The following PACRG variants were observed in gnomAD, a reference collection of about 807,000 sequenced individuals.
PACRG encodes the protein parkin coregulated.
A neutral mutation model predicts 29.7 loss-of-function variants in PACRG; 29 were observed. The observed-to-expected ratio is 0.98, with a 90% CI of 0.73 to 1.33. The LOEUF (loss-of-function observed/expected upper bound fraction) is 1.33. Among genes scored for constraint, PACRG ranks in the 40% most tolerant of loss-of-function variants. The pLI is 0.00. For missense variants in PACRG, 279 were observed against 316.2 expected (o/e 0.88, Z 0.89); for synonymous variants, 116 against 118.7 (o/e 0.98, Z 0.15).
chr6:163,073,073 G>C (rs1812223267), intron 3 of PACRG, among the ~76,000 whole-genome samples: 1 of 152,080 alleles, frequency 6.6e-6, no homozygotes. Flanking sequence ...AAATACCTAT[G>C]ACATTCTTCA....
Position 162,728,015 on chromosome 6 carries a change from C to T in PACRG, c.-221C>T. ...GCTTACCTTTGGAAGCTTGTTGCAGCTCTAGCCAAGGTCCTGCCCTCTTCC... is the reference window on the plus strand; with the variant it reads ...GCTTACCTTTGGAAGCTTGTTGCAGTTCTAGCCAAGGTCCTGCCCTCTTCC... On this transcript the variant is annotated 5_prime_UTR_variant, in exon 1 of 5. Coordinates refer to ENST00000366888, the MANE Select transcript of PACRG (RefSeq NM_001080379.2). 1.5e-6 allele frequency: 1 copy of T among 653,198 alleles called. No individual in the cohort carries two copies. Among genetic ancestry groups the T allele is most frequent in the Non-Finnish European group, 2.7e-6 (1 of 373,730 alleles). The allele number at this position is 653,198 out of a possible 1,614,324, so 40.5% of individuals were successfully genotyped here. A position where few individuals can be genotyped will look rare whatever the true frequency, so the allele number is the denominator to read the frequency against.
Position 162,853,331 on chromosome 6 carries a change from T to C in PACRG, c.291+39050T>C, listed in dbSNP as rs1265486837. On this transcript the variant is annotated intron_variant, in intron 2 of 4. Coordinates refer to ENST00000366888, the MANE Select transcript of PACRG (RefSeq NM_001080379.2). This position sits in a 1 kb window ranked among gnomAD's most constrained non-coding sequence, Gnocchi z 4.7. ...TCTCCTTGGAGATCAGGCAGAAAAT[T>C]CTGTCTTTTGCTTTTCTTTGCAATA... Among the ~76,000 whole-genome samples, 3 of 152,158 alleles carry C rather than the reference T, an allele frequency of 2.0e-5. No homozygotes were observed. The highest frequency in any genetic ancestry group is 4.4e-5 in the Non-Finnish European group (3 of 68,028).
chr6:162,989,985 G>A (rs369563157), intron 2 of PACRG, among the ~76,000 whole-genome samples: 5 of 150,574 alleles, frequency 3.3e-5, no homozygotes, highest in Non-Finnish European at 7.4e-5. Context: ...GAGAATATGC[G>A]GTGTTTGGTT....
At chr6:163,000,106 G>A (rs1206544703) in intron 2 of PACRG, among the ~76,000 whole-genome samples, 1 of 152,068 alleles carries the variant, frequency 6.6e-6, no homozygotes, top group Non-Finnish European at 1.5e-5. Context: ...TCCTTGTCCT[G>A]GGTTACACAT....
chr6:163,289,457 T>C (rs1784508111), intron 4 of PACRG, among the ~76,000 whole-genome samples: 1 of 152,224 alleles, frequency 6.6e-6, no homozygotes, highest in Non-Finnish European at 1.5e-5. Flanking sequence ...TTCTTTTTCA[T>C]TGACCTCCTC....
intron 4 of PACRG, among the ~76,000 whole-genome samples, chr6:163,144,343 TACATACACACACAC>T (rs1777704195): frequency 7.3e-6 from 1 of 137,232 alleles, no homozygotes; most frequent in South Asian, 2.2e-4. Context: ...TACACACACA[TACATACACACACAC>T]ACACACACAC....
chr6:163,230,446 A>C (rs147863387), intron 4 of PACRG, among the ~76,000 whole-genome samples: 21 of 152,300 alleles, frequency 1.4e-4, no homozygotes, highest in African/African-American at 5.1e-4. Context: ...TCAGAATTAG[A>C]CTTCCCTTTC....
At chr6:162,886,414 T>G (rs1351609174) in intron 2 of PACRG, among the ~76,000 whole-genome samples, 1 of 152,224 alleles carries the variant, frequency 6.6e-6, no homozygotes, top group Non-Finnish European at 1.5e-5. Flanking sequence ...TTCAAAAACC[T>G]GTTTCATTCT....
At chr6:163,179,394 T>TA (rs5881511) in intron 4 of PACRG, 2,347 of 215,912 alleles carry the variant, frequency 0.011, no homozygotes, top group South Asian at 0.026. Flanking sequence ...TTCTTTAAAT[T>TA]AAAAAAAAAA....
At chr6:162,947,342 A>ATAT (rs1388762226) in intron 2 of PACRG, among the ~76,000 whole-genome samples, 956 of 13,380 alleles carry the variant, frequency 0.071, 132 homozygotes, top group Middle Eastern at 0.25. Context: ...TCATATATAT[A>ATAT]ATGATTACAT....
chr6:162,800,124 G>A lies in PACRG; in HGVS notation c.157-14023G>A, dbSNP rs369245704. Among the ~76,000 whole-genome samples, 55 of 152,192 alleles carry A rather than the reference G, an allele frequency of 3.6e-4. No individual in the cohort carries two copies. In the East Asian group the frequency reaches 6.2e-3, roughly 17 times the overall value. The stretch of plus-strand genomic sequence containing the variant: ...TAAATTGAAGTCTCTGATGACTCTC[G>A]GAGACAAGTTGAAGGCAAGAACTGC... On this transcript the variant is annotated intron_variant, in intron 1 of 4. Coordinates refer to ENST00000366888, the MANE Select transcript of PACRG (RefSeq NM_001080379.2).
chr6:162,771,238 T>C (rs1022461703), intron 1 of PACRG, among the ~76,000 whole-genome samples: 2 of 152,124 alleles, frequency 1.3e-5, no homozygotes, highest in African/African-American at 4.8e-5. Flanking sequence ...CTTTTCAGAG[T>C]GCTCCAAGTA....
At chr6:162,950,173 C>T (rs1284176305) in intron 2 of PACRG, among the ~76,000 whole-genome samples, 1 of 151,866 alleles carries the variant, frequency 6.6e-6, no homozygotes, top group Non-Finnish European at 1.5e-5. Context: ...TATGTATTAA[C>T]TTTTACTGAT....
intron 1 of PACRG, among the ~76,000 whole-genome samples, chr6:162,804,724 T>C (rs1786171388): frequency 6.6e-6 from 1 of 152,188 alleles, no homozygotes; most frequent in Non-Finnish European, 1.5e-5. Context: ...GGGAAGTTGA[T>C]GGCTCAAATC....
intron 4 of PACRG, among the ~76,000 whole-genome samples, chr6:163,211,690 G>A (rs761925629): frequency 6.6e-5 from 10 of 152,034 alleles, no homozygotes; most frequent in East Asian, 1.9e-4. Context: ...TGACTTCCTC[G>A]TTCCTCCCCC....
intron 2 of PACRG, among the ~76,000 whole-genome samples, chr6:162,829,283 C>T (rs1408675279): frequency 1.3e-5 from 2 of 152,216 alleles, no homozygotes; most frequent in Non-Finnish European, 2.9e-5. Context: ...AGGGAAGACA[C>T]ATTCAGATGG....
At chr6:162,740,756 C>G (rs1051462372) in intron 1 of PACRG, among the ~76,000 whole-genome samples, 3 of 151,912 alleles carry the variant, frequency 2.0e-5, no homozygotes, top group East Asian at 3.9e-4. Flanking sequence ...CGCGCCACCA[C>G]GCCCAGCTAA....
chr6:163,295,782 G>A (rs1418282924), intron 4 of PACRG, among the ~76,000 whole-genome samples: 1 of 152,154 alleles, frequency 6.6e-6, no homozygotes, highest in Non-Finnish European at 1.5e-5. Context: ...CGCTAACATA[G>A]ATCCCTGGGA....
intron 1 of PACRG, among the ~76,000 whole-genome samples, chr6:162,799,829 C>T (rs1421090400): frequency 6.6e-6 from 1 of 152,066 alleles, no homozygotes; most frequent in Admixed American, 6.6e-5. Context: ...ACAAAAATAA[C>T]ATTTTTTACT....
Sources: gnomAD v4.1 joint callset for allele counts (sites outside exome capture counted in the v4.1 genomes callset) on GRCh38, gnomAD v4.1.1 for gene constraint, Gnocchi (gnomAD v3.1) non-coding constraint, MANE v1.5 for transcripts, NCBI Gene and HGNC (gene_info 2026-07-23, HGNC 2026-07-21) for gene names.